Variants in MB21D2 observed in about 807,000 individuals in gnomAD.
MB21D2 encodes the protein nucleotidyltransferase MB21D2.
A neutral mutation model predicts 33.3 loss-of-function variants in MB21D2; 9 were observed. The ratio of observed to expected loss-of-function variants is 0.27; its 90% CI spans 0.16 to 0.47. The LOEUF (loss-of-function observed/expected upper bound fraction) is 0.47, where lower values mean the gene tolerates loss of function less well. Ranked by LOEUF, MB21D2 falls within the 20% of genes least tolerant of loss-of-function variation. MB21D2 has a pLI of 0.99. For synonymous variants in MB21D2, 241 were observed against 236.3 expected (o/e 1.02, Z -0.18); for missense variants, 540 against 624.6 (o/e 0.86, Z 1.44).
At chr3:192,894,537 C>G (rs533368990) in intron 1 of MB21D2, among the ~76,000 whole-genome samples, 1 of 152,278 alleles carries the variant, frequency 6.6e-6, no homozygotes, top group African/African-American at 2.4e-5. Context: ...GTCTTCACCT[C>G]TCATTTTAAT....
rs761503915 is a variant in MB21D2, at chr3:192,798,586, G to A, written c.1276C>T (p.Leu426=). The change falls in exon 2 of 2, where the codon CTG becomes TTG. Residue 426 remains leucine, a synonymous_variant. Transcript: ENST00000392452. The surrounding 1 kb of genome is among the most constrained non-coding windows in gnomAD (Gnocchi z 4.8). Reference sequence around the variant, plus strand: ...GTGCTACCTCGCCTCTGGAGCTCCAGTGTCAGCCGGTTGGCTGCCTTGACA... The same window carrying A: ...GTGCTACCTCGCCTCTGGAGCTCCAATGTCAGCCGGTTGGCTGCCTTGACA... The part of the protein sequence containing the change: ...EHVKAANRLT[L]ELQRRGSTTS... 16 of 1,614,016 alleles carry A rather than the reference G, an allele frequency of 9.9e-6. No individual in the cohort carries two copies. The highest frequency in any genetic ancestry group is 1.7e-5 in the Admixed American group (1 of 60,012).
At chr3:192,915,472 C>T (rs187487078) in intron 1 of MB21D2, among the ~76,000 whole-genome samples, 132 of 152,302 alleles carry the variant, frequency 8.7e-4, no homozygotes, top group African/African-American at 3.0e-3. Context: ...CACACACAGG[C>T]AAGCAAGCTC....
intron 1 of MB21D2, among the ~76,000 whole-genome samples, chr3:192,909,255 C>G (rs76406231): frequency 9.0e-6 from 1 of 110,968 alleles, no homozygotes; most frequent in East Asian, 2.6e-4. Context: ...GACTCTGTCT[C>G]AAAAAAAAAA....
In MB21D2 at chr3:192,911,226, T is replaced by C. The variant is rs1211054229; in HGVS notation, c.211+6404A>G. ...ATGAATTCCTATATTTTTCTAATTC[T>C]AGGGTTCACCACAGTTTTTTTTTTT... On this transcript the variant is annotated intron_variant, in intron 1 of 1. Coordinates refer to ENST00000392452, the MANE Select transcript of MB21D2 (RefSeq NM_178496.4). Among the ~76,000 whole-genome samples, 3 of 152,128 alleles carry C rather than the reference T, an allele frequency of 2.0e-5. No homozygotes were observed. The East Asian group carries it at 5.8e-4, about 29-fold the overall frequency.
In MB21D2 at chr3:192,797,504, A is replaced by G. The variant is rs1175024695; in HGVS notation, c.*882T>C. ...CCCACAACTGAAGGAGAACTAAGCA[A>G]ATGCAAAGAATCATTTCACTGATAG... On this transcript the variant is annotated 3_prime_UTR_variant, in exon 2 of 2. Transcript: ENST00000392452. The G allele has an allele frequency of 6.6e-6, 1 of 152,660 alleles. No homozygotes were observed. The highest frequency in any genetic ancestry group is 1.5e-5 in the Non-Finnish European group (1 of 68,052). 9.5% of individuals were successfully genotyped at this position (152,660 alleles called of 1,614,324 possible).
chr3:192,806,993 G>T (rs188061164), intron 1 of MB21D2, among the ~76,000 whole-genome samples: 31 of 152,272 alleles, frequency 2.0e-4, no homozygotes, highest in Non-Finnish European at 4.1e-4. Flanking sequence ...TTTGTTGGGT[G>T]GCCACAGGAA....
chr3:192,916,301 G>A (rs1291312247), intron 1 of MB21D2, among the ~76,000 whole-genome samples: 1 of 151,918 alleles, frequency 6.6e-6, no homozygotes, highest in East Asian at 1.9e-4. Context: ...ACACAGACAC[G>A]TTCAGTCTGT....
intron 1 of MB21D2, among the ~76,000 whole-genome samples, chr3:192,884,422 A>G (rs7623177): frequency 0.7 from 106,260 of 151,300 alleles, 38,744 homozygotes; most frequent in African/African-American, 0.91. Flanking sequence ...GCTGGAGTGC[A>G]GTGGCGCGAT....
intron 1 of MB21D2, among the ~76,000 whole-genome samples, chr3:192,841,162 A>G (rs1204326592): frequency 1.3e-5 from 2 of 152,254 alleles, no homozygotes; most frequent in Non-Finnish European, 2.9e-5. Flanking sequence ...CTTTGGATGA[A>G]GTAAGGGAAC....
At chr3:192,884,492 G>A (rs932263910) in intron 1 of MB21D2, among the ~76,000 whole-genome samples, 244 of 151,516 alleles carry the variant, frequency 1.6e-3, no homozygotes, top group Non-Finnish European at 2.8e-3. Context: ...TCAGCCTCCC[G>A]AGTAGCTGGG....
chr3:192,824,720 T>A (rs1303627874), intron 1 of MB21D2, among the ~76,000 whole-genome samples: 1 of 152,218 alleles, frequency 6.6e-6, no homozygotes, highest in Non-Finnish European at 1.5e-5. Context: ...TTTAAAATTA[T>A]TAGCCTTTTT....
chr3:192,899,804 A>T (rs6795167), intron 1 of MB21D2, among the ~76,000 whole-genome samples: 53 of 151,808 alleles, frequency 3.5e-4, no homozygotes, highest in East Asian at 3.9e-4. Context: ...CTGCCAAGTT[A>T]GTGTCTTGGG....
chr3:192,901,943 C>G (rs1266780582), intron 1 of MB21D2, among the ~76,000 whole-genome samples: 1 of 152,130 alleles, frequency 6.6e-6, no homozygotes, highest in East Asian at 1.9e-4. Context: ...GTAAGGCTGC[C>G]CTAATTTACT....
chr3:192,831,830 C>A (rs1011625257), intron 1 of MB21D2, among the ~76,000 whole-genome samples: 1 of 152,164 alleles, frequency 6.6e-6, no homozygotes, highest in Non-Finnish European at 1.5e-5. Context: ...GATGAAAAGA[C>A]TGGAAGGATG....
chr3:192,809,165 G>A (rs1711731708), intron 1 of MB21D2, among the ~76,000 whole-genome samples: 1 of 152,002 alleles, frequency 6.6e-6, no homozygotes, highest in Non-Finnish European at 1.5e-5. Flanking sequence ...GCACAATCTT[G>A]GCTCACTGCA....
intron 1 of MB21D2, among the ~76,000 whole-genome samples, chr3:192,831,302 A>C (rs1438987042): frequency 2.6e-5 from 4 of 152,284 alleles, no homozygotes; most frequent in Non-Finnish European, 2.9e-5. Flanking sequence ...CTCTAGCCCC[A>C]GTCAAATTTT....
intron 1 of MB21D2, among the ~76,000 whole-genome samples, chr3:192,910,861 A>C (rs536932374): frequency 6.6e-6 from 1 of 152,370 alleles, no homozygotes; most frequent in South Asian, 2.1e-4. Flanking sequence ...CTTAGGGTAA[A>C]ACACATACCA....
chr3:192,828,651 T>TCC (rs1712243458), intron 1 of MB21D2, among the ~76,000 whole-genome samples: 2 of 48,620 alleles, frequency 4.1e-5, no homozygotes, highest in Non-Finnish European at 7.1e-5. Context: ...TATATATATA[T>TCC]ATATATATAT....
At chr3:192,860,072 T>C (rs35808730) in intron 1 of MB21D2, among the ~76,000 whole-genome samples, 74,356 of 152,128 alleles carry the variant, frequency 0.49, 18,657 homozygotes, top group East Asian at 0.64. Flanking sequence ...ACAGGCCTTG[T>C]TAGAAAGCAA....
Sources: gnomAD v4.1 joint callset for allele counts (sites outside exome capture counted in the v4.1 genomes callset) on GRCh38, gnomAD v4.1.1 for gene constraint, Gnocchi (gnomAD v3.1) non-coding constraint, MANE v1.5 for transcripts, NCBI Gene and HGNC (gene_info 2026-07-23, HGNC 2026-07-21) for gene names.